Variants in NALF1 observed in about 807,000 individuals in gnomAD.
The protein encoded by NALF1 is family with sequence similarity 155 member A.
In NALF1, 3 loss-of-function variants were observed where a neutral mutation model predicts 48.4. The ratio of observed to expected loss-of-function variants is 0.06; its 90% confidence interval spans 0.03 to 0.16. The LOEUF is 0.16. NALF1 is among the 10% of genes least tolerant of loss of function. NALF1 has a pLI of 1.00. For synonymous variants in NALF1, 262 were observed against 245.7 expected, an observed-to-expected ratio of 1.07 and a Z score of -0.62; for missense variants, 526 against 571.5, an observed-to-expected ratio of 0.92 and a Z score of 0.81.
At chr13:107,686,076 A>G (rs1036912317) in intron 1 of NALF1, among the ~76,000 whole-genome samples, 5 of 152,196 alleles carry the variant, frequency 3.3e-5, no homozygotes, top group African/African-American at 1.2e-4. Flanking sequence ...CGAGGGGAGG[A>G]CGGCGGGGGC....
chr13:107,651,485 T>A (rs1229151485), intron 1 of NALF1, among the ~76,000 whole-genome samples: 1 of 152,210 alleles, frequency 6.6e-6, no homozygotes, highest in Non-Finnish European at 1.5e-5. Flanking sequence ...TTCTCTGAAA[T>A]AAGCAAAACT....
chr13:107,176,610 C>A, intron 2 of NALF1, among the ~76,000 whole-genome samples: 1 of 151,692 alleles, frequency 6.6e-6, no homozygotes, highest in Non-Finnish European at 1.5e-5. Flanking sequence ...CCACTGCACT[C>A]CAGCCTGGGC....
chr13:107,567,850 A>C (rs1228114624), intron 1 of NALF1, among the ~76,000 whole-genome samples: 1 of 152,238 alleles, frequency 6.6e-6, no homozygotes, highest in Non-Finnish European at 1.5e-5. Flanking sequence ...GTTAGTTCAG[A>C]AACGTTACAT....
chr13:107,192,248 A>G (rs2138785374), intron 2 of NALF1, among the ~76,000 whole-genome samples: 1 of 152,336 alleles, frequency 6.6e-6, no homozygotes, highest in Non-Finnish European at 1.5e-5. Flanking sequence ...ACGGGGCACC[A>G]GCTGTGGGGG....
At chr13:107,537,549 G>A (rs759732663) in intron 1 of NALF1, among the ~76,000 whole-genome samples, 23 of 152,112 alleles carry the variant, frequency 1.5e-4, no homozygotes, top group South Asian at 6.2e-4. Flanking sequence ...TACAGTTGTC[G>A]TCTTATATCG....
chr13:107,467,701 T>A (rs1202106466), intron 1 of NALF1, among the ~76,000 whole-genome samples: 1 of 152,200 alleles, frequency 6.6e-6, no homozygotes, highest in Non-Finnish European at 1.5e-5. Context: ...AAAAGTCAAA[T>A]ACTTTAAACC....
At chr13:107,664,621 T>C (rs1262259632) in intron 1 of NALF1, among the ~76,000 whole-genome samples, 1 of 152,166 alleles carries the variant, frequency 6.6e-6, no homozygotes, top group Admixed American at 6.6e-5. Context: ...TCTCTCCTAT[T>C]CTACTCATCT....
chr13:107,628,470 T>G (rs1231408463), intron 1 of NALF1, among the ~76,000 whole-genome samples: 1 of 152,080 alleles, frequency 6.6e-6, no homozygotes, highest in Non-Finnish European at 1.5e-5. Context: ...TGTTAGAGGC[T>G]CAGTTGGAAA....
intron 1 of NALF1, among the ~76,000 whole-genome samples, chr13:107,383,592 A>AT (rs1368489334): frequency 1.3e-5 from 2 of 152,320 alleles, no homozygotes; most frequent in Admixed American, 6.5e-5. Context: ...GAAAAAAAAA[A>AT]GAAGTTATCT....
At chr13:107,575,984 G>A (rs1356635184) in intron 1 of NALF1, among the ~76,000 whole-genome samples, 2 of 95,310 alleles carry the variant, frequency 2.1e-5, no homozygotes, top group Non-Finnish European at 5.9e-5. Context: ...GTGCATATGT[G>A]TGTGTGCATG....
intron 1 of NALF1, among the ~76,000 whole-genome samples, chr13:107,270,868 T>C (rs1334131234): frequency 7.0e-6 from 1 of 142,122 alleles, no homozygotes; most frequent in African/African-American, 2.6e-5. Context: ...CCTGTGTCCA[T>C]GTGTTCTCAT....
intron 1 of NALF1, among the ~76,000 whole-genome samples, chr13:107,796,368 G>GTAAT (rs1357778232): frequency 2.6e-5 from 4 of 152,182 alleles, no homozygotes; most frequent in African/African-American, 9.7e-5. Context: ...AGGCCTTGAT[G>GTAAT]TAATACTTTT....
At chr13:107,840,175 T>C (rs1012471979) in intron 1 of NALF1, among the ~76,000 whole-genome samples, 7 of 152,176 alleles carry the variant, frequency 4.6e-5, no homozygotes, top group African/African-American at 1.7e-4. Flanking sequence ...TGTACCTAAC[T>C]CTATACATGC....
chr13:107,641,602 A>G (rs1288103953), intron 1 of NALF1, among the ~76,000 whole-genome samples: 2 of 152,208 alleles, frequency 1.3e-5, no homozygotes, highest in Non-Finnish European at 2.9e-5. Context: ...AATAATAGTA[A>G]CATCAATAAT....
At chr13:107,791,787 C>CG (rs1178903901) in intron 1 of NALF1, among the ~76,000 whole-genome samples, 25 of 151,714 alleles carry the variant, frequency 1.6e-4, no homozygotes, top group Non-Finnish European at 3.7e-4. Context: ...CCGCCCCCCC[C>CG]CGTCTCTACT....
At chr13:107,813,708 T>C (rs1373019222) in intron 1 of NALF1, among the ~76,000 whole-genome samples, 1 of 150,996 alleles carries the variant, frequency 6.6e-6, no homozygotes, top group Non-Finnish European at 1.5e-5. Context: ...GACATCGGGA[T>C]GGGGCTTGTG....
chr13:107,245,485 C>T (rs564865639), intron 1 of NALF1, among the ~76,000 whole-genome samples: 2 of 152,182 alleles, frequency 1.3e-5, no homozygotes, highest in African/African-American at 4.8e-5. Context: ...CTCTGATTTC[C>T]AAGTCAATTC....
intron 1 of NALF1, among the ~76,000 whole-genome samples, chr13:107,610,085 A>G (rs903569327): frequency 6.6e-6 from 1 of 152,226 alleles, no homozygotes. Context: ...TCAGATTTAC[A>G]CAAACGTAAA....
chr13:107,191,600 C>T (rs554828313), intron 2 of NALF1, among the ~76,000 whole-genome samples: 8 of 152,112 alleles, frequency 5.3e-5, no homozygotes, highest in Non-Finnish European at 1.0e-4. Context: ...AGCTTCTCCA[C>T]GACTTTCACA....
Sources: allele counts gnomAD v4.1 joint callset (sites outside exome capture counted in the v4.1 genomes callset), GRCh38; gene constraint gnomAD v4.1.1; transcripts MANE v1.5; gene names NCBI Gene and HGNC (gene_info 2026-07-23, HGNC 2026-07-21).